The following ICA1 variants were observed in gnomAD, a reference collection of about 807,000 sequenced individuals.
ICA1 encodes islet cell autoantigen 1, also known as 69 kDa islet cell autoantigen.
In ICA1, 40 loss-of-function variants were observed where a neutral mutation model predicts 71.0. The observed-to-expected ratio is 0.56, with a 90% CI of 0.44 to 0.73. The LOEUF (loss-of-function observed/expected upper bound fraction) is 0.73. Among genes scored for constraint, ICA1 ranks in the 30% least tolerant of loss-of-function variants. ICA1 has a pLI of 0.00. For synonymous variants in ICA1, 207 were observed against 209.5 expected (o/e 0.99, Z 0.10); for missense variants, 578 against 576.5 (o/e 1.00, Z -0.03).
chr7:8,138,729 C>T (rs1351071715), intron 12 of ICA1, 111 bp downstream of exon 12: 2 of 917,040 alleles, frequency 2.2e-6, no homozygotes, highest in African/African-American at 3.3e-5. Flanking sequence ...AAAAAACTTT[C>T]CTTTGGAATG....
At chr7:8,201,506 A>G (rs902857372) in intron 6 of ICA1, among the ~76,000 whole-genome samples, 1 of 152,132 alleles carries the variant, frequency 6.6e-6, no homozygotes, top group African/African-American at 2.4e-5. Flanking sequence ...GCCCTGAGGG[A>G]AAAACCAAAG....
intron 8 of ICA1, among the ~76,000 whole-genome samples, chr7:8,152,853 ACCTCCTCCG>A (rs1799933804): frequency 2.9e-5 from 4 of 140,188 alleles, no homozygotes; most frequent in Non-Finnish European, 6.3e-5. Context: ...TACCACCATC[ACCTCCTCCG>A]CCACCATCAC....
chr7:8,248,354 T>C (rs1300263251), intron 1 of ICA1, among the ~76,000 whole-genome samples: 1 of 152,154 alleles, frequency 6.6e-6, no homozygotes, highest in Non-Finnish European at 1.5e-5. Context: ...TTCTATTTTC[T>C]AGATAAAAAT....
Position 8,128,110 on chromosome 7 carries a change from G to T in ICA1, c.1093C>A (p.Pro365Thr). ...CLGPVAGTPE[P>T]EGADKDDLLL... ...AGGTCATCTTTGTCAGCACCTTCAGGTTCCGGGGTCCCTGCCACTGGTCCC... is the reference window on the plus strand; with the variant it reads ...AGGTCATCTTTGTCAGCACCTTCAGTTTCCGGGGTCCCTGCCACTGGTCCC... Residue 365 changes from proline (P) to threonine (T), a missense_variant, in exon 13 of 14, where the codon CCT becomes ACT. Transcript: ENST00000402384. The T allele has an allele frequency of 6.2e-7, 1 of 1,614,150 alleles. No homozygotes were observed. The highest frequency in any genetic ancestry group is 1.1e-5 in the South Asian group (1 of 91,078).
intron 12 of ICA1, among the ~76,000 whole-genome samples, chr7:8,137,030 T>A (rs1417133212): frequency 1.3e-5 from 2 of 151,866 alleles, no homozygotes; most frequent in African/African-American, 4.8e-5. Flanking sequence ...TTAAAAAAAA[T>A]TAAATTCTAA....
At chr7:8,174,459 C>A (rs374955732) in intron 6 of ICA1, among the ~76,000 whole-genome samples, 4 of 151,708 alleles carry the variant, frequency 2.6e-5, no homozygotes, top group South Asian at 2.1e-4. Flanking sequence ...ATAAAGTTGC[C>A]CCCCACATTA....
chr7:8,253,509 T>C (rs1808920733), intron 1 of ICA1, among the ~76,000 whole-genome samples: 1 of 152,212 alleles, frequency 6.6e-6, no homozygotes, highest in Non-Finnish European at 1.5e-5. Context: ...ATCACAAATA[T>C]ATATAGCTGA....
In ICA1 at chr7:8,129,379, A is replaced by ATTTT. The variant is rs1562557404; in HGVS notation, c.1061-1238_1061-1237insAAAA. Among the ~76,000 whole-genome samples, 1,062 of 143,732 alleles carry ATTTT rather than the reference A, an allele frequency of 7.4e-3. 22 individuals are homozygous for ATTTT. The highest frequency in any genetic ancestry group is 0.027 in the African/African-American group (1,012 of 37,224). 94.3% of individuals were successfully genotyped at this position (143,732 alleles called of 152,430 possible). Reference sequence around the variant, plus strand: ...TAGTAAGTAAAGGCTTTTTTTTTAAAAAAAAAAAAGTTCTCTGTGTTGGCT... The same window carrying ATTTT: ...TAGTAAGTAAAGGCTTTTTTTTTAAATTTTAAAAAAAAAGTTCTCTGTGTTGGCT... On this transcript the variant is annotated intron_variant, in intron 12 of 13. Coordinates refer to ENST00000402384, the MANE Select transcript of ICA1 (RefSeq NM_001136020.3).
intron 10 of ICA1, among the ~76,000 whole-genome samples, chr7:8,139,681 A>C (rs1794569028): frequency 6.6e-6 from 1 of 152,242 alleles, no homozygotes; most frequent in Non-Finnish European, 1.5e-5. Flanking sequence ...TTGGGTGATA[A>C]TGATGTCAAT....
chr7:8,192,270 C>G (rs999266159), intron 6 of ICA1, among the ~76,000 whole-genome samples: 16 of 152,162 alleles, frequency 1.1e-4, no homozygotes, highest in African/African-American at 3.6e-4. Flanking sequence ...TTTTCAGTCT[C>G]CTTTAATCTG....
intron 6 of ICA1, among the ~76,000 whole-genome samples, chr7:8,180,619 G>C (rs577845701): frequency 6.6e-6 from 1 of 152,248 alleles, no homozygotes; most frequent in South Asian, 2.1e-4. Flanking sequence ...GTGCATGATA[G>C]TTCCTGTTCC....
At chr7:8,183,207 T>C (rs889892692) in intron 6 of ICA1, among the ~76,000 whole-genome samples, 1 of 152,210 alleles carries the variant, frequency 6.6e-6, no homozygotes, top group Non-Finnish European at 1.5e-5. Context: ...CACCTAAACC[T>C]ACCTGACACT....
intron 3 of ICA1, among the ~76,000 whole-genome samples, chr7:8,231,018 A>T (rs1800110596): frequency 6.6e-6 from 1 of 152,106 alleles, no homozygotes; most frequent in Non-Finnish European, 1.5e-5. Context: ...GAGATAATTC[A>T]ATGAGAGATG....
intron 8 of ICA1, among the ~76,000 whole-genome samples, chr7:8,149,696 C>T (rs1401450521): frequency 6.6e-6 from 1 of 152,146 alleles, no homozygotes; most frequent in Non-Finnish European, 1.5e-5. Context: ...CTTCTCTAGC[C>T]TTTAATTACG....
intron 6 of ICA1, among the ~76,000 whole-genome samples, chr7:8,202,674 T>C (rs1790133181): frequency 6.6e-6 from 1 of 152,196 alleles, no homozygotes; most frequent in Non-Finnish European, 1.5e-5. Context: ...TGACTTTTTC[T>C]CAGCTTAGTA....
chr7:8,256,609 T>A (rs754550910), intron 1 of ICA1, among the ~76,000 whole-genome samples: 5 of 152,202 alleles, frequency 3.3e-5, no homozygotes, highest in Non-Finnish European at 7.3e-5. Flanking sequence ...CCTCTCCCCA[T>A]GGGTCTTGCA....
chr7:8,179,296 C>G (rs1781496606), intron 6 of ICA1, among the ~76,000 whole-genome samples: 1 of 152,160 alleles, frequency 6.6e-6, no homozygotes, highest in Non-Finnish European at 1.5e-5. Flanking sequence ...GCCTATCCTA[C>G]CCAGTGTGGG....
chr7:8,156,775 A>G (rs568656491), intron 8 of ICA1: 1 of 1,436,610 alleles, frequency 7.0e-7, no homozygotes, highest in South Asian at 1.6e-5. Context: ...TCTCCCCTTT[A>G]GCAATGTCAA....
At chr7:8,258,732 C>G (rs1038055635) in intron 1 of ICA1, among the ~76,000 whole-genome samples, 1 of 152,166 alleles carries the variant, frequency 6.6e-6, no homozygotes, top group African/African-American at 2.4e-5. Context: ...GTGAAAATTA[C>G]TTACAGGTCA....
Sources: gnomAD v4.1 joint callset for allele counts (sites outside exome capture counted in the v4.1 genomes callset) on GRCh38, gnomAD v4.1.1 for gene constraint, MANE v1.5 for transcripts, NCBI Gene and HGNC (gene_info 2026-07-23, HGNC 2026-07-21) for gene names.